TOMM5: variants seen among roughly 807,000 people sequenced by gnomAD.
TOMM5 encodes mitochondrial import receptor subunit TOM5 homolog.
In TOMM5, 1 loss-of-function variant was observed where a neutral mutation model predicts 4.8. The observed-to-expected ratio is 0.21, with a 90% CI of 0.07 to 0.99. TOMM5 has a LOEUF of 0.99. TOMM5 is among the 50% of genes least tolerant of loss of function. TOMM5 has a pLI of 0.60. For synonymous variants in TOMM5, 26 were observed against 26.7 expected, an observed-to-expected ratio of 0.97 and a Z score of 0.08; for missense variants, 60 against 66.6, an observed-to-expected ratio of 0.90 and a Z score of 0.35.
At chr9:37,591,286 A>C (rs569503243) in intron 1 of TOMM5, among the ~76,000 whole-genome samples, 82 of 152,054 alleles carry the variant, frequency 5.4e-4, no homozygotes, top group Non-Finnish European at 6.9e-4. Context: ...AATCCTATAG[A>C]CTCATATTCT....
At chr9:37,589,853 G>A (rs1376461267) in intron 1 of TOMM5, among the ~76,000 whole-genome samples, 1 of 152,102 alleles carries the variant, frequency 6.6e-6, no homozygotes, top group Admixed American at 6.5e-5. Flanking sequence ...AAGACACTGA[G>A]ATCTGTCAGA....
At chr9:37,589,349 CG>C (rs1823065085) in intron 1 of TOMM5, among the ~76,000 whole-genome samples, 1 of 152,058 alleles carries the variant, frequency 6.6e-6, no homozygotes, top group Non-Finnish European at 1.5e-5. Context: ...ACTAGAGAAC[CG>C]GAAGAGCTGG....
In TOMM5 at chr9:37,588,720, T is replaced by C. The variant is rs752780120; in HGVS notation, c.*178A>G. The C allele has an allele frequency of 8.4e-6, 6 of 711,552 alleles. No individual in the cohort carries two copies. Among genetic ancestry groups the C allele is most frequent in the Non-Finnish European group, 1.5e-5 (6 of 391,186 alleles). 44.1% of individuals were successfully genotyped at this position (711,552 alleles called of 1,614,324 possible). A position where few individuals can be genotyped will look rare whatever the true frequency, so the allele number is the denominator to read the frequency against. ...GAGACATCGTTTCATACTTCCCAAATAGTTTTATATTTTAGCTTTGAAGGT... is the reference window on the plus strand; with the variant it reads ...GAGACATCGTTTCATACTTCCCAAACAGTTTTATATTTTAGCTTTGAAGGT... On this transcript the variant is annotated 3_prime_UTR_variant, in exon 2 of 2. Coordinates refer to ENST00000321301, the MANE Select transcript of TOMM5 (RefSeq NM_001001790.3).
chr9:37,588,822 C>A lies in TOMM5; in HGVS notation c.*76G>T. The A allele has an allele frequency of 7.1e-7, 1 of 1,408,036 alleles. No homozygotes were observed. Among genetic ancestry groups the A allele is most frequent in the Non-Finnish European group, 1.0e-6 (1 of 992,396 alleles). 87.2% of individuals were successfully genotyped at this position (1,408,036 alleles called of 1,614,324 possible). A position where few individuals can be genotyped will look rare whatever the true frequency, so the allele number is the denominator to read the frequency against. On this transcript the variant is annotated 3_prime_UTR_variant, in exon 2 of 2. Coordinates refer to ENST00000321301, the MANE Select transcript of TOMM5 (RefSeq NM_001001790.3). ...AAAGAGTCTCTTACACCTTTCTGGG[C>A]CTATTCACTTGCAGAGAGGAGTCGA...
At chr9:37,590,184 A>G (rs756668319) in intron 1 of TOMM5, among the ~76,000 whole-genome samples, 12 of 152,212 alleles carry the variant, frequency 7.9e-5, no homozygotes, top group African/African-American at 2.2e-4. Flanking sequence ...ATCGAGCCCA[A>G]TAGTTTGAGA....
chr9:37,592,146 A>T (rs73441369), intron 1 of TOMM5: 206,306 of 1,390,338 alleles, frequency 0.15, 17,325 homozygotes, highest in African/African-American at 0.32. Context: ...GGTGTGAGCC[A>T]ACGCGCCCGG....
Position 37,592,480 on chromosome 9 carries a change from C to T in TOMM5, c.53G>A (p.Arg18Gln). 6.2e-7 allele frequency: 1 copy of T among 1,614,154 alleles called. No individual in the cohort carries two copies. Among genetic ancestry groups the T allele is most frequent in the Non-Finnish European group, 8.5e-7 (1 of 1,180,036 alleles). Residue 18 changes from arginine (R) to glutamine (Q), a missense_variant, in exon 1 of 2, where the codon CGG (arginine) becomes CAG (glutamine). Arg to Gln is a conservative substitution (Grantham distance 43). Coordinates refer to ENST00000321301, the MANE Select transcript of TOMM5 (RefSeq NM_001001790.3). ...GGAGATCACATCCTCGCGCATCTTC[C>T]GTTTCATCTCCTCCGGGTCCAGCTT... ...APKLDPEEMKRKMREDVISSI... is the reference protein window; with the variant it reads ...APKLDPEEMKQKMREDVISSI...
In TOMM5 at chr9:37,588,895, T is replaced by G; in HGVS notation, c.*3A>C. 1.9e-6 allele frequency: 3 copies of G among 1,613,994 alleles called. No homozygotes were observed. The highest frequency in any genetic ancestry group is 2.5e-6 in the Non-Finnish European group (3 of 1,179,864). ...TCGTGCATTCATATGTGATGTCCTG[T>G]CTTCATATGCTGTCCAATTTCTTTA... On this transcript the variant is annotated 3_prime_UTR_variant, in exon 2 of 2. Transcript: ENST00000321301.
rs570709095 is a variant in TOMM5, at chr9:37,590,611, T to C, written c.122-1679A>G. Among the ~76,000 whole-genome samples the C allele has an allele frequency of 3.9e-5, 6 of 152,322 alleles. No individual in the cohort carries two copies. The South Asian group carries it at 1.0e-3, about 26-fold the overall frequency. The stretch of plus-strand genomic sequence containing the variant: ...GAATTGTACACCTTAAATGGGTATA[T>C]TGTATAATATACAAATTATATTTCA... On this transcript the variant is annotated intron_variant, in intron 1 of 1. Coordinates refer to ENST00000321301, the MANE Select transcript of TOMM5 (RefSeq NM_001001790.3).
intron 1 of TOMM5, among the ~76,000 whole-genome samples, chr9:37,591,344 T>C (rs182482433): frequency 1.3e-5 from 2 of 152,204 alleles, no homozygotes; most frequent in Non-Finnish European, 2.9e-5. Flanking sequence ...TCACCCTCTA[T>C]ACAAAGAAAC....
chr9:37,590,950 G>A (rs1158368757), intron 1 of TOMM5, among the ~76,000 whole-genome samples: 1 of 152,174 alleles, frequency 6.6e-6, no homozygotes, highest in African/African-American at 2.4e-5. Context: ...TCATTTATTT[G>A]AACCATCCCT....
At chr9:37,589,537 TAA>T (rs1396915676) in intron 1 of TOMM5, among the ~76,000 whole-genome samples, 2 of 151,840 alleles carry the variant, frequency 1.3e-5, no homozygotes, top group African/African-American at 4.9e-5. Context: ...CTGTCCTGTG[TAA>T]AAGTGTTGTG....
Position 37,588,813 on chromosome 9 carries a change from C to G in TOMM5, c.*85G>C. The stretch of plus-strand genomic sequence containing the variant: ...TGTCCATTCAAAGAGTCTCTTACAC[C>G]TTTCTGGGCCTATTCACTTGCAGAG... On this transcript the variant is annotated 3_prime_UTR_variant, in exon 2 of 2. Coordinates refer to ENST00000321301, the MANE Select transcript of TOMM5 (RefSeq NM_001001790.3). 2 of 1,364,998 alleles carry G rather than the reference C, an allele frequency of 1.5e-6. No homozygotes were observed. Among genetic ancestry groups the G allele is most frequent in the African/African-American group, 2.9e-5 (2 of 70,166 alleles). 84.6% of individuals were successfully genotyped at this position (1,364,998 alleles called of 1,614,324 possible).
In TOMM5 at chr9:37,588,688, A is replaced by G; in HGVS notation, c.*210T>C. ...AACGTCACAGGGATAAGGGTACACC[A>G]GATCACGAGACATCGTTTCATACTT... is the stretch of plus-strand genomic sequence containing the variant. On this transcript the variant is annotated 3_prime_UTR_variant, in exon 2 of 2. Transcript: ENST00000321301. 1.4e-6 allele frequency: 1 copy of G among 694,060 alleles called. No individual in the cohort carries two copies. Among genetic ancestry groups the G allele is most frequent in the Non-Finnish European group, 2.6e-6 (1 of 380,324 alleles). The allele number at this position is 694,060 out of a possible 1,614,324, so 43.0% of individuals were successfully genotyped here.
At chr9:37,590,561 G>C (rs1218297760) in intron 1 of TOMM5, among the ~76,000 whole-genome samples, 1 of 152,132 alleles carries the variant, frequency 6.6e-6, no homozygotes, top group Middle Eastern at 3.2e-3. Flanking sequence ...TGTGATGGCT[G>C]CACAACTGAC....
rs374065739 is a variant in TOMM5 at position 37,592,550 on chromosome 9, A to G, written c.-18T>C. The G allele has an allele frequency of 2.2e-5, 36 of 1,607,370 alleles. No homozygotes were observed. In the Middle Eastern group the frequency reaches 6.0e-4, roughly 27 times the overall value. On this transcript the variant is annotated 5_prime_UTR_variant, in exon 1 of 2. Coordinates refer to ENST00000321301, the MANE Select transcript of TOMM5 (RefSeq NM_001001790.3). ...CGGAACATCGCGGCTCTGACTTAGC[A>G]GCTTCCAGCCGCCGCGCTCTGCTCT...
chr9:37,591,548 C>T (rs888142749), intron 1 of TOMM5, among the ~76,000 whole-genome samples: 1 of 151,754 alleles, frequency 6.6e-6, no homozygotes, highest in Non-Finnish European at 1.5e-5. Context: ...AAAAATTAGC[C>T]GGGCGTGGTG....
intron 1 of TOMM5, among the ~76,000 whole-genome samples, chr9:37,591,927 C>CT (rs1347819702): frequency 2.0e-5 from 3 of 151,762 alleles, no homozygotes; most frequent in Admixed American, 6.6e-5. Flanking sequence ...CTCAAACATT[C>CT]TTTTTTTTGA....
Position 37,592,536 on chromosome 9 carries a change from G to C in TOMM5, c.-4C>G. 1 of 1,612,136 alleles carries C rather than the reference G, an allele frequency of 6.2e-7. No homozygotes were observed. The highest frequency in any genetic ancestry group is 1.1e-5 in the South Asian group (1 of 91,012). On this transcript the variant is annotated 5_prime_UTR_variant, in exon 1 of 2. Transcript: ENST00000321301. ...CGAGGCCCTCAATCCGGAACATCGC[G>C]GCTCTGACTTAGCAGCTTCCAGCCG...
Sources: gnomAD v4.1 joint callset for allele counts (sites outside exome capture counted in the v4.1 genomes callset) on GRCh38, gnomAD v4.1.1 for gene constraint, MANE v1.5 for transcripts, NCBI Gene and HGNC (gene_info 2026-07-23, HGNC 2026-07-21) for gene names.